YAP1: variants seen among roughly 807,000 people sequenced by gnomAD.
YAP1 encodes Yes1 associated transcriptional regulator.
YAP1 carries 5 observed loss-of-function variants against 56.9 expected under a neutral mutation model. The observed-to-expected ratio is 0.09, with a 90% CI of 0.05 to 0.18. The LOEUF is 0.18. Ranked by LOEUF, YAP1 falls within the 10% of genes least tolerant of loss-of-function variation. The pLI is 1.00. For synonymous variants in YAP1, 265 were observed against 248.1 expected (o/e 1.07, Z -0.64); for missense variants, 539 against 651.8 (o/e 0.83, Z 1.88).
chr11:102,184,003 G>T (rs1431547282), intron 3 of YAP1, among the ~76,000 whole-genome samples: 2 of 150,208 alleles, frequency 1.3e-5, no homozygotes, highest in Non-Finnish European at 3.0e-5. Context: ...CGTGAACCCG[G>T]GAGGCGGAGC....
intron 6 of YAP1, among the ~76,000 whole-genome samples, chr11:102,218,918 A>G (rs1591453691): frequency 6.6e-6 from 1 of 152,386 alleles, no homozygotes; most frequent in East Asian, 1.9e-4. Flanking sequence ...CAGCAAGAAC[A>G]TGGAGAGTCT....
chr11:102,134,330 A>T (rs1379154706), intron 2 of YAP1, among the ~76,000 whole-genome samples: 1 of 152,056 alleles, frequency 6.6e-6, no homozygotes, highest in African/African-American at 2.4e-5. Flanking sequence ...AAATATCAGG[A>T]TGCTATAAAC....
intron 6 of YAP1, among the ~76,000 whole-genome samples, chr11:102,222,074 G>T (rs940995543): frequency 3.3e-5 from 5 of 152,128 alleles, no homozygotes; most frequent in African/African-American, 1.2e-4. Context: ...AAAATAAGTG[G>T]TATTTGCATG....
At chr11:102,123,149 G>C (rs7938172) in intron 2 of YAP1, among the ~76,000 whole-genome samples, 2 of 151,862 alleles carry the variant, frequency 1.3e-5, no homozygotes, top group Non-Finnish European at 2.9e-5. Context: ...ATATTTTTAC[G>C]TTATGACAAT....
intron 6 of YAP1, among the ~76,000 whole-genome samples, chr11:102,220,244 T>C (rs545220882): frequency 6.6e-6 from 1 of 152,060 alleles, no homozygotes; most frequent in East Asian, 2.0e-4. Flanking sequence ...CTTCCCTGAA[T>C]AGGGGCTTGA....
intron 2 of YAP1, among the ~76,000 whole-genome samples, chr11:102,146,448 T>C (rs1052478227): frequency 6.6e-6 from 1 of 152,226 alleles, no homozygotes; most frequent in Admixed American, 6.5e-5. Flanking sequence ...CATGCATTGG[T>C]AGCATTGTAA....
intron 2 of YAP1, among the ~76,000 whole-genome samples, chr11:102,153,004 C>T (rs1023899005): frequency 1.3e-5 from 2 of 152,090 alleles, no homozygotes; most frequent in South Asian, 2.1e-4. Context: ...GAATTGAAGG[C>T]GGAGATACTG....
chr11:102,140,057 C>G (rs1313000545), intron 2 of YAP1, among the ~76,000 whole-genome samples: 2 of 152,134 alleles, frequency 1.3e-5, no homozygotes, highest in Non-Finnish European at 2.9e-5. Flanking sequence ...CTAAATAGGA[C>G]TCTTCTAACC....
chr11:102,132,454 C>T (rs1285235631), intron 2 of YAP1, among the ~76,000 whole-genome samples: 1 of 152,174 alleles, frequency 6.6e-6, no homozygotes, highest in Non-Finnish European at 1.5e-5. Context: ...CTTCTGATAT[C>T]AAAACACTTG....
In YAP1 at chr11:102,111,064, C is replaced by G; in HGVS notation, c.216C>G (p.Val72=). 6.2e-7 allele frequency: 1 copy of G among 1,613,322 alleles called. No homozygotes were observed. Among genetic ancestry groups the G allele is most frequent in the Non-Finnish European group, 8.5e-7 (1 of 1,179,810 alleles). The change falls in exon 1 of 9, where the codon GTC becomes GTG. Residue 72 remains valine, a synonymous_variant. Transcript: ENST00000282441. ...ETDLEALFNA[V]MNPKTANVPQ... The stretch of plus-strand genomic sequence containing the variant: ...ACCTGGAGGCGCTCTTCAACGCCGT[C>G]ATGAACCCCAAGACGGCCAACGTGC...
At chr11:102,162,669 A>G (rs766863121) in intron 3 of YAP1, 98 bp downstream of exon 3, 2 of 1,153,868 alleles carry the variant, frequency 1.7e-6, no homozygotes, top group Non-Finnish European at 2.6e-6. Context: ...AGAAACTGGG[A>G]CATGGTGATG....
At chr11:102,199,791 A>C (rs1177361013) in intron 4 of YAP1, among the ~76,000 whole-genome samples, 1 of 152,212 alleles carries the variant, frequency 6.6e-6, no homozygotes, top group African/African-American at 2.4e-5. Context: ...TAAAAGTATT[A>C]ATAAGGAAGA....
chr11:102,144,011 G>T (rs897408770), intron 2 of YAP1, among the ~76,000 whole-genome samples: 1 of 152,168 alleles, frequency 6.6e-6, no homozygotes, highest in African/African-American at 2.4e-5. Flanking sequence ...AAATGTAGAG[G>T]CTGACAGATA....
chr11:102,140,554 G>T (rs1370968731), intron 2 of YAP1, among the ~76,000 whole-genome samples: 1 of 152,104 alleles, frequency 6.6e-6, no homozygotes, highest in Non-Finnish European at 1.5e-5. Context: ...TTTTAAAAAT[G>T]ACATCTTAGG....
At chr11:102,118,039 T>C (rs537935999) in intron 2 of YAP1, among the ~76,000 whole-genome samples, 1 of 152,318 alleles carries the variant, frequency 6.6e-6, no homozygotes, top group African/African-American at 2.4e-5. Context: ...TGCAAGTTTA[T>C]TTTATTGACT....
chr11:102,189,754 G>T (rs1948177738), intron 4 of YAP1, among the ~76,000 whole-genome samples: 1 of 151,994 alleles, frequency 6.6e-6, no homozygotes, highest in South Asian at 2.1e-4. Flanking sequence ...ATAATGTCTT[G>T]AAATAAGAAA....
chr11:102,190,876 G>A (rs1008732118), intron 4 of YAP1, among the ~76,000 whole-genome samples: 16 of 152,268 alleles, frequency 1.1e-4, no homozygotes, highest in Admixed American at 2.6e-4. Context: ...GGCAGAGGTT[G>A]CAGTGAGCTA....
intron 2 of YAP1, among the ~76,000 whole-genome samples, chr11:102,144,879 TACAC>T (rs889703634): frequency 1.1e-4 from 4 of 35,748 alleles, no homozygotes; most frequent in Non-Finnish European, 4.6e-4. Context: ...CACACACACA[TACAC>T]ACACTCATGC....
chr11:102,184,516 G>A (rs1947844501), intron 3 of YAP1, among the ~76,000 whole-genome samples: 1 of 152,162 alleles, frequency 6.6e-6, no homozygotes, highest in African/African-American at 2.4e-5. Flanking sequence ...TTCTAGGCAT[G>A]GAGAAAACTA....
Sources: gnomAD v4.1 joint callset for allele counts (sites outside exome capture counted in the v4.1 genomes callset) on GRCh38, gnomAD v4.1.1 for gene constraint, MANE v1.5 for transcripts, NCBI Gene and HGNC (gene_info 2026-07-23, HGNC 2026-07-21) for gene names.